The following ARHGAP31 variants were observed in gnomAD, a reference collection of about 807,000 sequenced individuals.
The protein encoded by ARHGAP31 is rho GTPase-activating protein 31.
Under a neutral mutation model 113.9 loss-of-function variants are expected in ARHGAP31, and 34 were observed. The ratio of observed to expected loss-of-function variants is 0.30; its 90% CI spans 0.23 to 0.40. The LOEUF (loss-of-function observed/expected upper bound fraction) is 0.40. Among genes scored for constraint, ARHGAP31 ranks in the 10% least tolerant of loss-of-function variants. ARHGAP31 has a pLI of 1.00. For missense variants in ARHGAP31, 1,548 were observed against 1,767.1 expected (o/e 0.88, Z 2.22); for synonymous variants, 650 against 684.8 (o/e 0.95, Z 0.79).
chr3:119,391,518 T>C (rs1473357462), intron 7 of ARHGAP31, among the ~76,000 whole-genome samples: 1 of 151,966 alleles, frequency 6.6e-6, no homozygotes, highest in African/African-American at 2.4e-5. Flanking sequence ...AATCAAGCAT[T>C]GTTTTCATTG....
chr3:119,324,789 C>G (rs1450728426), intron 1 of ARHGAP31: 3 of 392,220 alleles, frequency 7.6e-6, no homozygotes, highest in South Asian at 3.9e-5. Flanking sequence ...TGTATCTATT[C>G]TAACTGGTAT....
At chr3:119,320,724 TC>T (rs2079775170) in intron 1 of ARHGAP31, among the ~76,000 whole-genome samples, 1 of 152,206 alleles carries the variant, frequency 6.6e-6, no homozygotes, top group South Asian at 2.1e-4. Context: ...ATTCTAAAAC[TC>T]AGATGTTTTC....
At chr3:119,378,134 T>G (rs148417545) in intron 3 of ARHGAP31, among the ~76,000 whole-genome samples, 9 of 152,232 alleles carry the variant, frequency 5.9e-5, no homozygotes, top group Admixed American at 2.0e-4. Context: ...TTTTAAGATT[T>G]AACCATTAGC....
At chr3:119,343,735 T>C (rs1364014177) in intron 1 of ARHGAP31, among the ~76,000 whole-genome samples, 2 of 152,214 alleles carry the variant, frequency 1.3e-5, no homozygotes, top group Admixed American at 1.3e-4. Flanking sequence ...GCTTCTTCCT[T>C]GCTCTCCCTT....
intron 6 of ARHGAP31, among the ~76,000 whole-genome samples, chr3:119,387,326 A>T (rs971179580): frequency 2.0e-5 from 3 of 151,930 alleles, no homozygotes; most frequent in African/African-American, 4.8e-5. Flanking sequence ...TCCTATCTCT[A>T]TATGGCCTGG....
At chr3:119,331,307 A>T (rs1394468419) in intron 1 of ARHGAP31, among the ~76,000 whole-genome samples, 1 of 152,226 alleles carries the variant, frequency 6.6e-6, no homozygotes, top group African/African-American at 2.4e-5. Flanking sequence ...GGAAAAAAAG[A>T]CGATCAAAAT....
At chr3:119,357,410 C>T (rs1174031158) in intron 1 of ARHGAP31, among the ~76,000 whole-genome samples, 1 of 152,108 alleles carries the variant, frequency 6.6e-6, no homozygotes, top group African/African-American at 2.4e-5. Flanking sequence ...ACACCGCATT[C>T]CTGTGTGGGG....
intron 3 of ARHGAP31, among the ~76,000 whole-genome samples, chr3:119,375,351 G>C (rs551050441): frequency 2.6e-5 from 4 of 152,292 alleles, no homozygotes; most frequent in African/African-American, 9.6e-5. Flanking sequence ...TCCTTGGATT[G>C]TTGGTGCCTC....
At chr3:119,329,814 C>T (rs1044198836) in intron 1 of ARHGAP31, 12 of 985,324 alleles carry the variant, frequency 1.2e-5, no homozygotes, top group African/African-American at 1.7e-5. Flanking sequence ...GAACCATGAG[C>T]GTATTGAGAG....
At chr3:119,340,370 TG>T (rs1287574877) in intron 1 of ARHGAP31, among the ~76,000 whole-genome samples, 4 of 152,230 alleles carry the variant, frequency 2.6e-5, no homozygotes, top group Non-Finnish European at 5.9e-5. Flanking sequence ...CTTCTCGTTT[TG>T]TCATCAAGTG....
chr3:119,302,597 A>G (rs1482907965), intron 1 of ARHGAP31, among the ~76,000 whole-genome samples: 1 of 152,214 alleles, frequency 6.6e-6, no homozygotes, highest in Non-Finnish European at 1.5e-5. Context: ...CATGCAAAGT[A>G]ATATTTCAGT....
chr3:119,323,334 G>T (rs2079810195), intron 1 of ARHGAP31, among the ~76,000 whole-genome samples: 1 of 152,090 alleles, frequency 6.6e-6, no homozygotes, highest in Non-Finnish European at 1.5e-5. Flanking sequence ...GCTCCAGGCC[G>T]CCCAGCACCT....
chr3:119,372,675 AATG>A (rs1366341176), intron 3 of ARHGAP31, among the ~76,000 whole-genome samples: 1 of 152,240 alleles, frequency 6.6e-6, no homozygotes, highest in Non-Finnish European at 1.5e-5. Context: ...TAATACTAAT[AATG>A]ATAATAGCTG....
chr3:119,303,131 C>T (rs768084461), intron 1 of ARHGAP31, among the ~76,000 whole-genome samples: 18 of 152,268 alleles, frequency 1.2e-4, no homozygotes, highest in South Asian at 6.2e-4. Context: ...TGAGTTCCCC[C>T]GAAGGCAGAT....
chr3:119,365,341 A>G lies in ARHGAP31; in HGVS notation c.126A>G (p.Ala42=). ...QDVPYVLKSC[A]EFIETHGIVD... ...TTCCATACGTTTTGAAGAGCTGTGC[A>G]GAATTTATAGAGACTCACGGCATCG... Residue 42 remains alanine (A), a synonymous_variant, in exon 2 of 12, where the codon GCA becomes GCG. Transcript: ENST00000264245. The G allele has an allele frequency of 6.2e-7, 1 of 1,614,130 alleles. No individual in the cohort carries two copies. Among genetic ancestry groups the G allele is most frequent in the Non-Finnish European group, 8.5e-7 (1 of 1,180,024 alleles).
At chr3:119,333,437 A>G (rs1363873311) in intron 1 of ARHGAP31, among the ~76,000 whole-genome samples, 1 of 152,238 alleles carries the variant, frequency 6.6e-6, no homozygotes, top group East Asian at 1.9e-4. Context: ...CTGTAGTACT[A>G]GAATTTGTTC....
rs1170908168 is a variant in ARHGAP31 at position 119,379,480 on chromosome 3, T to A, written c.349-1424T>A. Among the ~76,000 whole-genome samples the A allele has an allele frequency of 2.6e-5, 4 of 152,338 alleles. No homozygotes were observed. In the East Asian group the frequency reaches 5.8e-4, roughly 22 times the overall value. ...GACAGTGTGAAATTCAGTATTTACA[T>A]GCAACATGCACACGGCAGCTAAAGG... On this transcript the variant is annotated intron_variant, in intron 3 of 11. Coordinates refer to ENST00000264245, the MANE Select transcript of ARHGAP31 (RefSeq NM_020754.4).
chr3:119,311,106 A>G (rs1262228736), intron 1 of ARHGAP31, among the ~76,000 whole-genome samples: 3 of 152,118 alleles, frequency 2.0e-5, no homozygotes, highest in African/African-American at 7.2e-5. Context: ...TAGATTCCCC[A>G]GTTGGCCAAT....
chr3:119,305,928 C>G (rs1001499130), intron 1 of ARHGAP31, among the ~76,000 whole-genome samples: 4 of 152,270 alleles, frequency 2.6e-5, no homozygotes, highest in African/African-American at 4.8e-5. Context: ...TGTTTTCCCC[C>G]CTCCTAAGCC....
Sources: gnomAD v4.1 joint callset for allele counts (sites outside exome capture counted in the v4.1 genomes callset) on GRCh38, gnomAD v4.1.1 for gene constraint, MANE v1.5 for transcripts, NCBI Gene and HGNC (gene_info 2026-07-23, HGNC 2026-07-21) for gene names.